Variants in KIAA1217 observed in about 807,000 individuals in gnomAD.
The protein encoded by KIAA1217 is KIAA1217.
Under a neutral mutation model 163.9 loss-of-function variants are expected in KIAA1217, and 88 were observed. That is an observed-to-expected ratio of 0.54 (90% confidence interval 0.45 to 0.64). KIAA1217 has a LOEUF of 0.64. Among genes scored for constraint, KIAA1217 ranks in the 30% least tolerant of loss-of-function variants. The pLI is 0.00. For synonymous variants in KIAA1217, 903 were observed against 923.1 expected, an observed-to-expected ratio of 0.98 and a Z score of 0.39; for missense variants, 2,372 against 2,475.0, an observed-to-expected ratio of 0.96 and a Z score of 0.88.
rs184287868 is a variant in KIAA1217, at chr10:24,330,160, C to T, written c.355-50709C>T. On this transcript the variant is annotated intron_variant, in intron 2 of 20. Transcript: ENST00000376454. ...ACTAAAAATACAAAAATTAGCCAGG[C>T]GTGGTGGCGTGCACCTGTAATCCCA... Among the ~76,000 whole-genome samples, 464 of 151,982 alleles carry T rather than the reference C, an allele frequency of 3.1e-3. 4 individuals carry two copies. The highest frequency in any genetic ancestry group is 0.011 in the African/African-American group (441 of 41,462).
At chr10:23,953,487 G>C (rs369524836) in intron 1 of KIAA1217, among the ~76,000 whole-genome samples, 2 of 152,134 alleles carry the variant, frequency 1.3e-5, no homozygotes, top group East Asian at 3.8e-4. Context: ...ATGTTTCATT[G>C]TCTAGAAAAG....
chr10:24,378,563 G>A (rs1210355617), intron 2 of KIAA1217, among the ~76,000 whole-genome samples: 1 of 151,868 alleles, frequency 6.6e-6, no homozygotes, highest in Non-Finnish European at 1.5e-5. Context: ...CATGCTTGAC[G>A]AGCTCAAGAA....
At chr10:24,054,791 A>C (rs1849767005) in intron 2 of KIAA1217, among the ~76,000 whole-genome samples, 1 of 152,186 alleles carries the variant, frequency 6.6e-6, no homozygotes, top group Admixed American at 6.5e-5. Context: ...AAACCTGTAC[A>C]GCAGATTACT....
intron 1 of KIAA1217, among the ~76,000 whole-genome samples, chr10:23,996,607 G>T (rs905837707): frequency 1.2e-4 from 18 of 152,242 alleles, no homozygotes; most frequent in African/African-American, 4.3e-4. Context: ...TCATACCAAA[G>T]TACTTGAAAA....
rs1267497746 is a variant in KIAA1217 at position 23,790,513 on chromosome 10, ATG to A, written c.-321+95281_-321+95282del. On this transcript the variant is annotated intron_variant, in intron 1 of 18. Coordinates refer to the KIAA1217 transcript ENST00000376462. Reference sequence around the variant, plus strand: ...CATATATACATGTGCATATATACATATGTATATATACATATATACATATACAT... The same window carrying A: ...CATATATACATGTGCATATATACATATATATATACATATATACATATACAT... Among the ~76,000 whole-genome samples, 2 of 112,458 alleles carry A rather than the reference ATG, an allele frequency of 1.8e-5. 1 individual carries two copies. The highest frequency in any genetic ancestry group is 3.4e-5 in the Non-Finnish European group (2 of 58,216). 73.8% of individuals were successfully genotyped at this position (112,458 alleles called of 152,430 possible).
intron 2 of KIAA1217, among the ~76,000 whole-genome samples, chr10:24,347,012 T>C (rs7091189): frequency 0.68 from 102,979 of 152,080 alleles, 35,168 homozygotes; most frequent in East Asian, 0.82. Context: ...GTTGGCTTAG[T>C]GAGTGTTAAG....
At chr10:24,497,053 G>A (rs1408820928) in intron 8 of KIAA1217, among the ~76,000 whole-genome samples, 5 of 152,332 alleles carry the variant, frequency 3.3e-5, no homozygotes, top group Non-Finnish European at 7.3e-5. Flanking sequence ...GTATCAGGGC[G>A]AGATATCGTC....
chr10:24,106,817 A>G (rs79223094), intron 2 of KIAA1217, among the ~76,000 whole-genome samples: 11,399 of 152,156 alleles, frequency 0.075, 438 homozygotes, highest in Middle Eastern at 0.18. Flanking sequence ...AATCCCCACC[A>G]GTTATTTCAT....
intron 1 of KIAA1217, among the ~76,000 whole-genome samples, chr10:23,883,575 C>A (rs928179196): frequency 6.6e-6 from 1 of 151,846 alleles, no homozygotes; most frequent in African/African-American, 2.4e-5. Context: ...CCATTAGCAA[C>A]GTTCTCCACC....
chr10:24,088,184 A>G (rs1372262192), intron 2 of KIAA1217, among the ~76,000 whole-genome samples: 2 of 120,562 alleles, frequency 1.7e-5, no homozygotes, highest in East Asian at 3.9e-4. Flanking sequence ...CTGGAGGCAC[A>G]TGGATCTCCT....
chr10:24,155,780 G>A (rs2131871080), intron 2 of KIAA1217, among the ~76,000 whole-genome samples: 1 of 152,034 alleles, frequency 6.6e-6, no homozygotes, highest in South Asian at 2.1e-4. Context: ...CCAAGATCAA[G>A]CCACTGCACT....
In KIAA1217 at chr10:23,730,233, T is replaced by G. The variant is rs140511835; in HGVS notation, c.-321+34999T>G. 1.6e-4 allele frequency among the ~76,000 whole-genome samples: 24 copies of G among 152,334 alleles called. No homozygotes were observed. The East Asian group carries it at 3.5e-3, about 22-fold the overall frequency. The stretch of plus-strand genomic sequence containing the variant: ...ATTTTAAAGTTCTGCTTTTTACATC[T>G]GTGTCTAGATTCTTTTTTTTTCTTG... On this transcript the variant is annotated intron_variant, in intron 1 of 18. Coordinates refer to the KIAA1217 transcript ENST00000376462.
intron 2 of KIAA1217, among the ~76,000 whole-genome samples, chr10:24,264,820 TCTCTCTCC>T (rs1326507282): frequency 6.6e-6 from 1 of 151,640 alleles, no homozygotes; most frequent in Non-Finnish European, 1.5e-5. Flanking sequence ...TCTTTCTCTC[TCTCTCTCC>T]CTTTCTCCCT....
chr10:24,237,717 T>G (rs1415297775), intron 2 of KIAA1217, among the ~76,000 whole-genome samples: 1 of 152,242 alleles, frequency 6.6e-6, no homozygotes, highest in Non-Finnish European at 1.5e-5. Flanking sequence ...CATGTTGTGT[T>G]TGTGCCCCAC....
At chr10:24,129,005 C>T (rs1399995822) in intron 2 of KIAA1217, among the ~76,000 whole-genome samples, 1 of 152,148 alleles carries the variant, frequency 6.6e-6, no homozygotes, top group Non-Finnish European at 1.5e-5. Context: ...ATTTCCCTAA[C>T]AAAGAAATAT....
chr10:23,817,976 TA>T (rs1837393765), intron 1 of KIAA1217, among the ~76,000 whole-genome samples: 1 of 102,170 alleles, frequency 9.8e-6, no homozygotes, highest in African/African-American at 4.4e-5. Flanking sequence ...TATATATATA[TA>T]TATATATATA....
intron 2 of KIAA1217, among the ~76,000 whole-genome samples, chr10:24,132,460 C>A (rs1346366743): frequency 6.6e-6 from 1 of 152,158 alleles, no homozygotes; most frequent in African/African-American, 2.4e-5. Context: ...TATGAGAGAA[C>A]ATGCTCAATT....
chr10:24,085,752 C>T (rs1250543828), intron 2 of KIAA1217, among the ~76,000 whole-genome samples: 8 of 152,084 alleles, frequency 5.3e-5, no homozygotes, highest in Middle Eastern at 3.4e-3. Flanking sequence ...GCAGGCAGAT[C>T]GCTTGAGCCC....
chr10:24,208,473 G>A (rs1304335297), upstream of KIAA1217, among the ~76,000 whole-genome samples: 2 of 151,922 alleles, frequency 1.3e-5, no homozygotes, highest in African/African-American at 4.8e-5. Flanking sequence ...AAAAAGTCCA[G>A]ATTAAGTGAT....
Sources: gnomAD v4.1 joint callset for allele counts (sites outside exome capture counted in the v4.1 genomes callset) on GRCh38, gnomAD v4.1.1 for gene constraint, MANE v1.5 for transcripts, NCBI Gene and HGNC (gene_info 2026-07-23, HGNC 2026-07-21) for gene names.